PAN3: variants seen among roughly 807,000 people sequenced by gnomAD.
The protein encoded by PAN3 is poly(A) specific ribonuclease subunit PAN3.
In PAN3, 19 loss-of-function variants were observed where a neutral mutation model predicts 96.2. The ratio of observed to expected loss-of-function variants is 0.20; its 90% CI spans 0.14 to 0.29. PAN3 has a LOEUF of 0.29. Ranked by LOEUF, PAN3 falls within the 10% of genes least tolerant of loss-of-function variation. The pLI, the probability that PAN3 is intolerant of heterozygous loss-of-function variation, is 1.00. For synonymous variants in PAN3, 433 were observed against 406.6 expected (o/e 1.06, Z -0.78); for missense variants, 882 against 1,108.1 (o/e 0.80, Z 2.90).
At position 28,241,011 on chromosome 13, in the gene PAN3, A is replaced by G. The variant is rs144635728; in HGVS notation, c.1001-15281A>G. On this transcript the variant is annotated intron_variant, in intron 6 of 18. Transcript: ENST00000380958. ...GTGGTGGCCCATGCCTGTTATCCCA[A>G]CACTTTGCTGGGAACCGAGGTGGCA... 9.8e-3 allele frequency among the ~76,000 whole-genome samples: 1,496 copies of G among 152,302 alleles called. 17 individuals carry two copies. Among genetic ancestry groups the G allele is most frequent in the African/African-American group, 0.034 (1,427 of 41,574 alleles).
chr13:28,175,637 G>A (rs745321076), intron 2 of PAN3, among the ~76,000 whole-genome samples: 3 of 152,036 alleles, frequency 2.0e-5, no homozygotes, highest in Non-Finnish European at 4.4e-5. Flanking sequence ...AACTTATTTC[G>A]TGTAGATATG....
At chr13:28,206,392 C>T (rs1235424670) in intron 5 of PAN3, among the ~76,000 whole-genome samples, 2 of 142,722 alleles carry the variant, frequency 1.4e-5, no homozygotes, top group Non-Finnish European at 3.0e-5. Flanking sequence ...GGTGCGATCT[C>T]GGCTTACTAT....
Position 28,220,276 on chromosome 13 carries a change from A to C in PAN3, c.898A>C (p.Thr300Pro). Residue 300 changes from threonine to proline, a missense_variant, in exon 6 of 19, where the codon ACC becomes CCC. Physicochemically the swap from Thr to Pro is conservative, Grantham distance 38 (BLOSUM62 -1). Transcript: ENST00000380958. ...ASEFIPKGGS[T>P]SRLSNVSQSN... The stretch of plus-strand genomic sequence containing the variant: ...CGAGTTTATTCCTAAAGGAGGATCA[A>C]CCTCCAGGCTGAGTAACGTGTCCCA... 1 of 1,613,580 alleles carries C rather than the reference A, an allele frequency of 6.2e-7. No homozygotes were observed. The highest frequency in any genetic ancestry group is 1.3e-5 in the African/African-American group (1 of 75,024).
intron 5 of PAN3, among the ~76,000 whole-genome samples, chr13:28,200,569 TTAG>T (rs1282922907): frequency 6.6e-6 from 1 of 152,228 alleles, no homozygotes; most frequent in Non-Finnish European, 1.5e-5. Context: ...CCTTTATTAC[TTAG>T]TAATCTTTTA....
chr13:28,159,906 CT>C (rs1872691683), intron 1 of PAN3, among the ~76,000 whole-genome samples: 1 of 151,966 alleles, frequency 6.6e-6, no homozygotes, highest in Non-Finnish European at 1.5e-5. Context: ...ATGTATACCC[CT>C]GAAACTGAAA....
At chr13:28,252,143 C>G (rs1175432067) in intron 6 of PAN3, among the ~76,000 whole-genome samples, 1 of 150,690 alleles carries the variant, frequency 6.6e-6, no homozygotes, top group Non-Finnish European at 1.5e-5. Flanking sequence ...CTGCCTCAGC[C>G]TCCCAAAGTG....
chr13:28,276,178 A>G (rs1210362388), intron 14 of PAN3, among the ~76,000 whole-genome samples: 1 of 152,144 alleles, frequency 6.6e-6, no homozygotes, highest in African/African-American at 2.4e-5. Flanking sequence ...AATTGGGACG[A>G]GGGGATGGCT....
chr13:28,194,466 A>ATATATATATATATATTTTT (rs1429166016), intron 4 of PAN3, among the ~76,000 whole-genome samples: 1 of 122,130 alleles, frequency 8.2e-6, no homozygotes, highest in African/African-American at 3.6e-5. Context: ...ATATATATAT[A>ATATATATATATATATTTTT]TTTTTTTTTT....
intron 1 of PAN3, among the ~76,000 whole-genome samples, chr13:28,172,712 A>G (rs1470480043): frequency 6.6e-6 from 1 of 152,194 alleles, no homozygotes; most frequent in Non-Finnish European, 1.5e-5. Context: ...TTACTTAATC[A>G]TTCTTCTGTC....
Position 28,177,914 on chromosome 13 carries a change from C to T in PAN3, c.669C>T (p.Leu223=). 1 of 1,611,322 alleles carries T rather than the reference C, an allele frequency of 6.2e-7. No homozygotes were observed. ...ASSLFNDFGA[L]NISQRRKPRK... ...CCTTGTTTAATGACTTTGGTGCCCT[C>T]AACATCTCTCAGAGACGAAAGGTAG... is the stretch of plus-strand genomic sequence containing the variant. The change falls in exon 4 of 19, where the codon CTC becomes CTT. Residue 223 remains leucine, a synonymous_variant. Transcript: ENST00000380958.
chr13:28,163,340 T>C (rs1432477564), intron 1 of PAN3, among the ~76,000 whole-genome samples: 3 of 152,264 alleles, frequency 2.0e-5, no homozygotes, highest in Non-Finnish European at 2.9e-5. Flanking sequence ...AAATGAGTGA[T>C]ATAAATAGTA....
At chr13:28,256,149 A>G in intron 6 of PAN3, 143 bp from the exon 7 acceptor site, 2 of 910,734 alleles carry the variant, frequency 2.2e-6, no homozygotes, top group Non-Finnish European at 3.3e-6. Flanking sequence ...CAACAAAACA[A>G]GATAAAATTA....
At chr13:28,262,462 G>C (rs888482329) in intron 9 of PAN3, among the ~76,000 whole-genome samples, 3 of 152,178 alleles carry the variant, frequency 2.0e-5, no homozygotes, top group Non-Finnish European at 4.4e-5. Context: ...AGAATTAAAA[G>C]AAATATGTCT....
chr13:28,247,415 CG>C (rs1440258112), intron 6 of PAN3, among the ~76,000 whole-genome samples: 1 of 152,040 alleles, frequency 6.6e-6, no homozygotes, highest in East Asian at 1.9e-4. Flanking sequence ...GTTTCTTTTG[CG>C]GTGCAGATAC....
At position 28,260,427 on chromosome 13, in the gene PAN3, C is replaced by T; in HGVS notation, c.1249-20C>T. ...AAAGAAAAATGAGTGATTACATTTA[C>T]CCCCTTCCTACCTTTTTAGGTGTTT... On this transcript the variant is annotated intron_variant, in intron 7 of 18. Coordinates refer to ENST00000380958, the MANE Select transcript of PAN3 (RefSeq NM_175854.8). 1.3e-6 allele frequency: 2 copies of T among 1,539,940 alleles called. No homozygotes were observed. Among genetic ancestry groups the T allele is most frequent in the Non-Finnish European group, 1.8e-6 (2 of 1,113,296 alleles).
At chr13:28,158,451 A>C (rs1872498471) in intron 1 of PAN3, among the ~76,000 whole-genome samples, 1 of 152,162 alleles carries the variant, frequency 6.6e-6, no homozygotes, top group Admixed American at 6.5e-5. Context: ...CATCTGACAA[A>C]GGTCTGATAC....
At chr13:28,251,425 G>C (rs907922055) in intron 6 of PAN3, among the ~76,000 whole-genome samples, 9 of 152,232 alleles carry the variant, frequency 5.9e-5, no homozygotes, top group African/African-American at 2.2e-4. Context: ...GTTTGCTTCA[G>C]CAAGGTGTCT....
In PAN3 at chr13:28,138,763, G is replaced by T; in HGVS notation, c.106G>T (p.Val36Phe). Reference sequence around the variant, plus strand: ...GGTGGCCCCGCCGGGGGTCGGGGGTGTCCCCGGCGGGGCGGCGGTAGGAGT... The same window carrying T: ...GGTGGCCCCGCCGGGGGTCGGGGGTTTCCCCGGCGGGGCGGCGGTAGGAGT... ...AVVAPPGVGG[V>F]PGGAAVGVKL... The change falls in exon 1 of 19, where the codon GTC (valine) becomes TTC (phenylalanine). Residue 36 changes from valine (V) to phenylalanine (F), a missense_variant. This residue lies in a region of PAN3 where 442 missense variants were observed against 422.8 expected (regional missense o/e 1.05). Coordinates refer to ENST00000380958, the MANE Select transcript of PAN3 (RefSeq NM_175854.8). The T allele has an allele frequency of 7.4e-7, 1 of 1,356,178 alleles. No homozygotes were observed. 84.0% of individuals were successfully genotyped at this position (1,356,178 alleles called of 1,614,324 possible). A position where few individuals can be genotyped will look rare whatever the true frequency, so the allele number is the denominator to read the frequency against.
At chr13:28,172,183 C>T (rs897008130) in intron 1 of PAN3, among the ~76,000 whole-genome samples, 12 of 152,262 alleles carry the variant, frequency 7.9e-5, no homozygotes, top group African/African-American at 1.7e-4. Flanking sequence ...TGGCTGGGCA[C>T]GGTGGCTCAC....
Sources: allele counts gnomAD v4.1 joint callset (sites outside exome capture counted in the v4.1 genomes callset), GRCh38; gene constraint gnomAD v4.1.1; regional missense constraint gnomAD v4.1.1; transcripts MANE v1.5; gene names NCBI Gene and HGNC (gene_info 2026-07-23, HGNC 2026-07-21).